CGN: variants seen among roughly 807,000 people sequenced by gnomAD.
CGN encodes cingulin.
CGN carries 121 observed loss-of-function variants against 157.1 expected under a neutral mutation model. The ratio of observed to expected loss-of-function variants is 0.77; its 90% CI spans 0.66 to 0.90. CGN has a LOEUF of 0.90. CGN is among the 40% of genes least tolerant of loss of function. CGN has a pLI of 0.00. For missense variants in CGN, 1,424 were observed against 1,520.9 expected (o/e 0.94, Z 1.06); for synonymous variants, 535 against 607.5 (o/e 0.88, Z 1.76).
rs1184832337 is a variant in CGN, at chr1:151,529,890, C to T, written c.2107-19C>T. The T allele has an allele frequency of 7.5e-6, 12 of 1,607,108 alleles. No homozygotes were observed. Among genetic ancestry groups the T allele is most frequent in the Non-Finnish European group, 1.0e-5 (12 of 1,175,448 alleles). The stretch of plus-strand genomic sequence containing the variant: ...CCACGCCCTGGGGTCTGAGCTGCCA[C>T]CCCCTGAACCGTCCTTAGGCTAAGA... On this transcript the variant is annotated intron_variant, in intron 11 of 20. Transcript: ENST00000271636.
intron 18 of CGN, 104 bp downstream of exon 18, chr1:151,536,002 C>A: frequency 1.1e-6 from 1 of 881,944 alleles, no homozygotes; most frequent in Non-Finnish European, 1.8e-6. Flanking sequence ...TCAGATATGG[C>A]CAGCCTGGCC....
In CGN at chr1:151,534,018, G is replaced by A. The variant is rs763571735; in HGVS notation, c.2786G>A (p.Arg929Gln). The change falls in exon 15 of 21, where the codon CGG (arginine) becomes CAG (glutamine). Residue 929 changes from arginine to glutamine, a missense_variant. Physicochemically the swap from Arg to Gln is conservative, Grantham distance 43 (BLOSUM62 1). This residue lies in a region of CGN where 1,187 missense variants were observed against 1,217.6 expected (regional missense o/e 0.97). Transcript: ENST00000271636. ...RQALQASQAE[R>Q]DTARLDKELL... ...GCCCTGCAGGCATCCCAGGCTGAGC[G>A]GGACACAGCCCGGCTGGACAAAGAG... 15 of 1,612,960 alleles carry A rather than the reference G, an allele frequency of 9.3e-6. No homozygotes were observed. Among genetic ancestry groups the A allele is most frequent in the African/African-American group, 1.3e-5 (1 of 74,902 alleles).
chr1:151,515,621 GTACCACCA>G, intron 1 of CGN: 1 of 152,290 alleles, frequency 6.6e-6, no homozygotes, highest in Admixed American at 6.5e-5. Context: ...CTACAGGTGT[GTACCACCA>G]TACTCGGCTA....
In CGN at chr1:151,520,639, A is replaced by T; in HGVS notation, c.1088A>T (p.Glu363Val). The change falls in exon 5 of 21, where the codon GAG (glutamate) becomes GTG (valine). Residue 363 changes from glutamate to valine, a missense_variant. By Grantham distance (121) the Glu-to-Val change is moderately radical. Around this residue, in one of 3 missense-constraint regions of CGN, gnomAD observed 1,187 missense variants for 1,217.6 expected, o/e 0.97. Transcript: ENST00000271636. ...GSTKAVAGQG[E>V]LTRKVEELQR... ...ACTAAGGCCGTGGCAGGGCAGGGTGAGCTTACCCGAAAAGTGGAGGAGCTA... is the reference window on the plus strand; with the variant it reads ...ACTAAGGCCGTGGCAGGGCAGGGTGTGCTTACCCGAAAAGTGGAGGAGCTA... 6.2e-7 allele frequency: 1 copy of T among 1,614,148 alleles called. No individual in the cohort carries two copies. The highest frequency in any genetic ancestry group is 1.1e-5 in the South Asian group (1 of 91,058).
rs764760450 is a variant in CGN, at chr1:151,518,684, G to T, written c.165G>T (p.Val55=). The change falls in exon 2 of 21, where the codon GTG becomes GTT. Residue 55 remains valine (V), a synonymous_variant. Coordinates refer to ENST00000271636, the MANE Select transcript of CGN (RefSeq NM_020770.3). ...GAGCCAGTACCTACGGGGTTGCTGT[G>T]CGTGTGCAGGGAATCGCTGGGCAGC... ...DARASTYGVA[V]RVQGIAGQPF... is the part of the protein sequence containing the mutation. 1 of 1,614,174 alleles carries T rather than the reference G, an allele frequency of 6.2e-7. No individual in the cohort carries two copies. The highest frequency in any genetic ancestry group is 8.5e-7 in the Non-Finnish European group (1 of 1,180,032).
intron 18 of CGN, 33 bp downstream of exon 18, chr1:151,535,931 C>T (rs775791501): frequency 3.3e-6 from 5 of 1,529,534 alleles, no homozygotes; most frequent in East Asian, 4.5e-5. Context: ...CCCTTCCTCC[C>T]TCCTTTTCTT....
chr1:151,530,486 C>T lies in CGN; in HGVS notation c.2314-3C>T. ...AGTCCAACCCTGCTTCCCTACCTCC[C>T]AGGCAGAGAAACAGCAGCTGGAGGA... On this transcript the variant is annotated splice_region_variant and splice_polypyrimidine_tract_variant and intron_variant, in intron 12 of 20. Coordinates refer to ENST00000271636, the MANE Select transcript of CGN (RefSeq NM_020770.3). The T allele has an allele frequency of 6.4e-7, 1 of 1,571,266 alleles. No individual in the cohort carries two copies. The highest frequency in any genetic ancestry group is 1.7e-4 in the Middle Eastern group (1 of 5,868).
rs1664917240 is a variant in CGN at position 151,534,729 on chromosome 1, C to G, written c.2905-313C>G. 4 of 323,494 alleles carry G rather than the reference C, an allele frequency of 1.2e-5. No individual in the cohort carries two copies. In the Admixed American group the frequency reaches 1.4e-4, roughly 11 times the overall value. 20.0% of individuals were successfully genotyped at this position (323,494 alleles called of 1,614,324 possible). ...CTGAGTCTCTTCACCTCAGCCTTGG[C>G]CCAGGTACTTGGGTTTCTCTCTCTT... On this transcript the variant is annotated intron_variant, in intron 15 of 20. Coordinates refer to ENST00000271636, the MANE Select transcript of CGN (RefSeq NM_020770.3).
At position 151,524,285 on chromosome 1, in the gene CGN, C is replaced by T; in HGVS notation, c.1328C>T (p.Thr443Ile). Reference sequence around the variant, plus strand: ...GAAGATTTACGACATGGGCTGGAGACCCAGGTGATGGAGCTGCAGAACAAG... The same window carrying T: ...GAAGATTTACGACATGGGCTGGAGATCCAGGTGATGGAGCTGCAGAACAAG... Reference protein sequence around the residue: ...QGEDLRHGLETQVMELQNKLK... With the variant: ...QGEDLRHGLEIQVMELQNKLK... The change falls in exon 7 of 21, where the codon ACC becomes ATC. Residue 443 changes from threonine to isoleucine, a missense_variant. Transcript: ENST00000271636. The surrounding 1 kb of genome is among the most constrained non-coding windows in gnomAD (Gnocchi z 4.4). The T allele has an allele frequency of 6.2e-7, 1 of 1,614,144 alleles. No individual in the cohort carries two copies. The highest frequency in any genetic ancestry group is 2.2e-5 in the East Asian group (1 of 44,892).
At position 151,532,393 on chromosome 1, in the gene CGN, G is replaced by T; in HGVS notation, c.2572-9G>T. Reference sequence around the variant, plus strand: ...TACAGTGCTGAAGACCCTTTTCTCTGTGTTTCAGTTGGAGAAGATCGGGGA... The same window carrying T: ...TACAGTGCTGAAGACCCTTTTCTCTTTGTTTCAGTTGGAGAAGATCGGGGA... On this transcript the variant is annotated splice_polypyrimidine_tract_variant and intron_variant, in intron 13 of 20. Coordinates refer to ENST00000271636, the MANE Select transcript of CGN (RefSeq NM_020770.3). 1 of 1,546,154 alleles carries T rather than the reference G, an allele frequency of 6.5e-7. No individual in the cohort carries two copies. The highest frequency in any genetic ancestry group is 8.7e-7 in the Non-Finnish European group (1 of 1,151,780).
chr1:151,532,254 A>T, intron 13 of CGN, 148 bp from the exon 14 acceptor site: 1 of 494,030 alleles, frequency 2.0e-6, no homozygotes, highest in Non-Finnish European at 3.5e-6. Context: ...GTATATAACT[A>T]TTAGCTATAC....
At chr1:151,532,848 T>A (rs1336885677) in intron 14 of CGN, among the ~76,000 whole-genome samples, 1 of 152,006 alleles carries the variant, frequency 6.6e-6, no homozygotes, top group Non-Finnish European at 1.5e-5. Context: ...CTCAATCTCC[T>A]GACCTCGTGA....
chr1:151,513,651 C>G (rs1002003309), intron 1 of CGN, among the ~76,000 whole-genome samples: 3 of 152,148 alleles, frequency 2.0e-5, no homozygotes, highest in African/African-American at 7.2e-5. Context: ...ACCCCACCCC[C>G]ACTTCCTGCC....
rs1308982078 is a variant in CGN at position 151,530,103 on chromosome 1, G to T, written c.2301G>T (p.Leu767=). 1 of 1,612,034 alleles carries T rather than the reference G, an allele frequency of 6.2e-7. No individual in the cohort carries two copies. Among genetic ancestry groups the T allele is most frequent in the Non-Finnish European group, 8.5e-7 (1 of 1,178,432 alleles). The part of the protein sequence containing the change: ...EAVEARLRDK[L]QRLEAEKQQL... ...TGGAGGCACGACTACGGGACAAGCT[G>T]CAGCGGCTGGAGGTCAGTGGTTCTG... is the stretch of plus-strand genomic sequence containing the variant. The change falls in exon 12 of 21, where the codon CTG becomes CTT. Residue 767 remains leucine, a synonymous_variant. Coordinates refer to ENST00000271636, the MANE Select transcript of CGN (RefSeq NM_020770.3).
chr1:151,511,329 G>A (rs1664280235), upstream of CGN: 1 of 153,282 alleles, frequency 6.5e-6, no homozygotes, highest in African/African-American at 2.4e-5. The surrounding 1 kb of genome is among the most constrained non-coding windows in gnomAD (Gnocchi z 4.8). Context: ...GGGCACTGAC[G>A]GCCCGCGGGG....
rs898855005 is a variant in CGN, at chr1:151,530,501, C to T, written c.2326C>T (p.Gln776Ter). Residue 776 changes from glutamine to a stop codon, truncating the protein, a stop_gained, in exon 13 of 21, where the codon CAG (glutamine) becomes TAG (stop). Coordinates refer to ENST00000271636, the MANE Select transcript of CGN (RefSeq NM_020770.3). LOFTEE classifies it high-confidence loss of function. ...CCCTACCTCCCAGGCAGAGAAACAGCAGCTGGAGGAGGCCCTGAATGCGTC... is the reference window on the plus strand; with the variant it reads ...CCCTACCTCCCAGGCAGAGAAACAGTAGCTGGAGGAGGCCCTGAATGCGTC... Reference protein sequence around the residue: ...KLQRLEAEKQQLEEALNASQE... With the variant: ...KLQRLEAEKQ 3.2e-6 allele frequency: 5 copies of T among 1,585,486 alleles called. No homozygotes were observed. Among genetic ancestry groups the T allele is most frequent in the African/African-American group, 2.7e-5 (2 of 74,180 alleles).
chr1:151,524,471 T>C lies in CGN; in HGVS notation c.1401+113T>C, dbSNP rs141368696. 104 of 1,470,668 alleles carry C rather than the reference T, an allele frequency of 7.1e-5. No homozygotes were observed. The African/African-American group carries it at 1.4e-3, about 19-fold the overall frequency. The allele number at this position is 1,470,668 out of a possible 1,614,324, so 91.1% of individuals were successfully genotyped here. A position where few individuals can be genotyped will look rare whatever the true frequency, so the allele number is the denominator to read the frequency against. On this transcript the variant is annotated intron_variant, in intron 7 of 20. Transcript: ENST00000271636. The surrounding 1 kb of genome is among the most constrained non-coding windows in gnomAD (Gnocchi z 4.4). Reference sequence around the variant, plus strand: ...TGAGGAGTGGGTGGCTGATTACAGGTACTCAGTGTGCTTTCAGGTAGATTC... The same window carrying C: ...TGAGGAGTGGGTGGCTGATTACAGGCACTCAGTGTGCTTTCAGGTAGATTC...
intron 1 of CGN, among the ~76,000 whole-genome samples, chr1:151,516,158 C>T (rs751346885): frequency 9.2e-5 from 14 of 152,226 alleles, no homozygotes; most frequent in Non-Finnish European, 1.8e-4. Context: ...CCATCCCTTC[C>T]CCTCCCTTCT....
Position 151,538,300 on chromosome 1 carries a change from G to A in CGN, c.*954G>A, listed in dbSNP as rs1445343611. 1 of 152,142 alleles carries A rather than the reference G, an allele frequency of 6.6e-6. No homozygotes were observed. Among genetic ancestry groups the A allele is most frequent in the Non-Finnish European group, 1.5e-5 (1 of 68,052 alleles). The allele number at this position is 152,142 out of a possible 1,614,324, so 9.4% of individuals were successfully genotyped here. Reference sequence around the variant, plus strand: ...TGTCAGTCCCTGTGGCCTTCCTTGGGGCTTCTCTGACCACATGTGCCCAAC... The same window carrying A: ...TGTCAGTCCCTGTGGCCTTCCTTGGAGCTTCTCTGACCACATGTGCCCAAC... On this transcript the variant is annotated 3_prime_UTR_variant, in exon 21 of 21. Coordinates refer to ENST00000271636, the MANE Select transcript of CGN (RefSeq NM_020770.3).
Sources: allele counts gnomAD v4.1 joint callset (sites outside exome capture counted in the v4.1 genomes callset), GRCh38; gene constraint gnomAD v4.1.1; regional missense constraint gnomAD v4.1.1; non-coding constraint Gnocchi (gnomAD v3.1); transcripts MANE v1.5; gene names NCBI Gene and HGNC (gene_info 2026-07-23, HGNC 2026-07-21).